Variants in UNC13C observed in about 807,000 individuals in gnomAD.
The protein encoded by UNC13C is protein unc-13 homolog C.
In UNC13C, 174 loss-of-function variants were observed where a neutral mutation model predicts 245.4. That is an observed-to-expected ratio of 0.71 (90% CI 0.63 to 0.80). The LOEUF (loss-of-function observed/expected upper bound fraction) is 0.80, where lower values mean the gene tolerates loss of function less well. UNC13C is among the 30% of genes least tolerant of loss of function. The pLI is 0.00. For missense variants in UNC13C, 2,829 were observed against 2,602.9 expected, an observed-to-expected ratio of 1.09 and a Z score of -1.89; for synonymous variants, 992 against 895.1, an observed-to-expected ratio of 1.11 and a Z score of -1.93.
In UNC13C at chr15:54,442,851, A is replaced by G. The variant is rs530510347; in HGVS notation, c.4933+27784A>G. ...GTCGAGGACTTTTGTATCTATGTTC[A>G]TCAGGGATATTGGCCTGTAGTTTAT... On this transcript the variant is annotated intron_variant, in intron 19 of 32. Coordinates refer to ENST00000260323, the MANE Select transcript of UNC13C (RefSeq NM_001080534.3). 3.9e-5 allele frequency among the ~76,000 whole-genome samples: 6 copies of G among 152,156 alleles called. No homozygotes were observed. In the South Asian group the frequency reaches 6.2e-4, roughly 16 times the overall value.
the UNC13C span, among the ~76,000 whole-genome samples, chr15:53,893,572 A>G: frequency 6.6e-6 from 1 of 152,140 alleles, no homozygotes; most frequent in African/African-American, 2.4e-5. Context: ...GAAATGTGGC[A>G]GTCTGGCCAC....
the UNC13C span, among the ~76,000 whole-genome samples, chr15:53,858,575 C>T: frequency 3.3e-5 from 5 of 151,914 alleles, no homozygotes; most frequent in African/African-American, 9.7e-5. Flanking sequence ...CATGCCTCAC[C>T]GCATGCAGCT....
At chr15:54,211,875 C>T (rs1321593452) in intron 4 of UNC13C, among the ~76,000 whole-genome samples, 1 of 152,102 alleles carries the variant, frequency 6.6e-6, no homozygotes, top group Non-Finnish European at 1.5e-5. Flanking sequence ...CCTTCCAATG[C>T]TATCATTATT....
At chr15:53,932,760 T>C in the UNC13C span, among the ~76,000 whole-genome samples, 62 of 152,350 alleles carry the variant, frequency 4.1e-4, no homozygotes, top group African/African-American at 1.4e-3. Flanking sequence ...TTCATTTGTA[T>C]GAGCTTTTGA....
chr15:54,542,619 ATTGTATGGGAGAC>A (rs973406356), intron 26 of UNC13C, among the ~76,000 whole-genome samples: 2 of 152,026 alleles, frequency 1.3e-5, no homozygotes, highest in Non-Finnish European at 2.9e-5. Context: ...TCCCACTATT[ATTGTATGGGAGAC>A]TAAGTCTCTT....
At chr15:54,041,982 TG>T (rs1896824689) in intron 2 of UNC13C, among the ~76,000 whole-genome samples, 1 of 152,208 alleles carries the variant, frequency 6.6e-6, no homozygotes, top group Non-Finnish European at 1.5e-5. Context: ...CTTAGCATGA[TG>T]GTGCTGAGGC....
At chr15:54,609,461 C>A (rs1899956729) in intron 30 of UNC13C, 1 of 152,116 alleles carries the variant, frequency 6.6e-6, no homozygotes, top group Non-Finnish European at 1.5e-5. Context: ...ATTCTCCAGA[C>A]AGGGAAACCA....
chr15:54,426,829 A>G (rs529208078), intron 19 of UNC13C, among the ~76,000 whole-genome samples: 2 of 151,866 alleles, frequency 1.3e-5, no homozygotes, highest in Admixed American at 6.6e-5. Flanking sequence ...GAAAAATCAT[A>G]TTGTTGTGAG....
chr15:53,881,486 C>G, the UNC13C span, among the ~76,000 whole-genome samples: 2 of 152,198 alleles, frequency 1.3e-5, no homozygotes, highest in African/African-American at 4.8e-5. Flanking sequence ...CTTTCAGCCA[C>G]TTTAAGTCAG....
intron 30 of UNC13C, among the ~76,000 whole-genome samples, chr15:54,587,127 C>G (rs752257125): frequency 3.3e-5 from 5 of 152,112 alleles, no homozygotes; most frequent in Non-Finnish European, 2.9e-5. Flanking sequence ...TAGGTTTCAA[C>G]TTAGATTTCA....
chr15:54,562,118 T>C (rs947109924), intron 29 of UNC13C, among the ~76,000 whole-genome samples: 1 of 152,020 alleles, frequency 6.6e-6, no homozygotes, highest in Non-Finnish European at 1.5e-5. Context: ...CTGCTTGAGA[T>C]AGGGGCTGAT....
chr15:54,611,046 C>G (rs559254160), intron 30 of UNC13C, among the ~76,000 whole-genome samples: 1 of 152,100 alleles, frequency 6.6e-6, no homozygotes, highest in Non-Finnish European at 1.5e-5. Flanking sequence ...CAGGGATACA[C>G]GATGAGGTGG....
chr15:54,050,479 G>A (rs1897231188), intron 2 of UNC13C: 2 of 543,802 alleles, frequency 3.7e-6, no homozygotes, highest in Non-Finnish European at 7.4e-6. Context: ...CCAAGTCTTT[G>A]ACCAAATTTT....
intron 10 of UNC13C, among the ~76,000 whole-genome samples, chr15:54,272,861 A>G (rs1002606389): frequency 3.9e-5 from 6 of 152,176 alleles, no homozygotes; most frequent in African/African-American, 1.4e-4. Flanking sequence ...TAAAATATAA[A>G]CTTAGGGTCA....
At chr15:54,298,513 G>A (rs1012862496) in intron 12 of UNC13C, among the ~76,000 whole-genome samples, 2 of 152,208 alleles carry the variant, frequency 1.3e-5, no homozygotes, top group Admixed American at 6.5e-5. Flanking sequence ...ACAGTCCTCC[G>A]TGTTAACCTC....
chr15:54,278,249 G>T (rs2036886171), intron 10 of UNC13C, among the ~76,000 whole-genome samples: 1 of 152,026 alleles, frequency 6.6e-6, no homozygotes, highest in South Asian at 2.1e-4. Context: ...TATGAGTATG[G>T]ATCTTGTGAT....
intron 10 of UNC13C, among the ~76,000 whole-genome samples, chr15:54,273,520 T>C (rs1257277621): frequency 6.6e-6 from 1 of 152,082 alleles, no homozygotes; most frequent in Non-Finnish European, 1.5e-5. Flanking sequence ...CCTATTTGGG[T>C]TTTTCAATAA....
chr15:54,104,115 C>G lies in UNC13C; in HGVS notation c.2984-38903C>G, dbSNP rs183109776. Reference sequence around the variant, plus strand: ...ATGGTCCTTGGGCCTCTCGCCTCAGCGAGCCCATGTTTGGACCCATTGCTC... The same window carrying G: ...ATGGTCCTTGGGCCTCTCGCCTCAGGGAGCCCATGTTTGGACCCATTGCTC... On this transcript the variant is annotated intron_variant, in intron 2 of 32. Transcript: ENST00000260323. 1.3e-4 allele frequency among the ~76,000 whole-genome samples: 20 copies of G among 152,326 alleles called. No homozygotes were observed. In the East Asian group the frequency reaches 3.5e-3, roughly 27 times the overall value.
chr15:54,414,701 C>T (rs1430666881), intron 18 of UNC13C, among the ~76,000 whole-genome samples: 1 of 151,958 alleles, frequency 6.6e-6, no homozygotes, highest in Non-Finnish European at 1.5e-5. Flanking sequence ...TCTTGAGACA[C>T]AAACACTCAT....
Sources: allele counts gnomAD v4.1 joint callset (sites outside exome capture counted in the v4.1 genomes callset), GRCh38; gene constraint gnomAD v4.1.1; transcripts MANE v1.5; gene names NCBI Gene and HGNC (gene_info 2026-07-23, HGNC 2026-07-21).